The following ADAMTS3 variants were observed in gnomAD, a reference collection of about 807,000 sequenced individuals.
ADAMTS3 encodes the protein ADAM metallopeptidase with thrombospondin type 1 motif 3.
A neutral mutation model predicts 129.0 loss-of-function variants in ADAMTS3; 73 were observed. The observed-to-expected ratio is 0.57, with a 90% CI of 0.47 to 0.69. The LOEUF (loss-of-function observed/expected upper bound fraction) is 0.69, where lower values mean the gene tolerates loss of function less well. Among genes scored for constraint, ADAMTS3 ranks in the 30% least tolerant of loss-of-function variants. The pLI is 0.00. For missense variants in ADAMTS3, 1,457 were observed against 1,514.5 expected, an observed-to-expected ratio of 0.96 and a Z score of 0.63; for synonymous variants, 477 against 510.8, an observed-to-expected ratio of 0.93 and a Z score of 0.89.
At chr4:72,493,285 A>C in intron 3 of ADAMTS3, among the ~76,000 whole-genome samples, 1 of 151,632 alleles carries the variant, frequency 6.6e-6, no homozygotes, top group East Asian at 1.9e-4. Flanking sequence ...TTTATCTTAC[A>C]GTGGTTTTGT....
Position 72,417,931 on chromosome 4 carries a change from T to TTAAAAAAAAAAAAAAAAAAAAAAA in ADAMTS3, c.505-2961_505-2960insTTTTTTTTTTTTTTTTTTTTTTTA, listed in dbSNP as rs76545577. On this transcript the variant is annotated intron_variant, in intron 3 of 21. Transcript: ENST00000286657. The stretch of plus-strand genomic sequence containing the variant: ...CTGGGCGACAGAGGGAGACTCCATC[T>TTAAAAAAAAAAAAAAAAAAAAAAA]CAAAAAAAAAAAAGTAAGTACTTTA... Among the ~76,000 whole-genome samples the TTAAAAAAAAAAAAAAAAAAAAAAA allele has an allele frequency of 5.7e-4, 57 of 100,662 alleles. 4 individuals are homozygous for TTAAAAAAAAAAAAAAAAAAAAAAA. Among genetic ancestry groups the TTAAAAAAAAAAAAAAAAAAAAAAA allele is most frequent in the African/African-American group, 2.1e-3 (56 of 26,786 alleles). The allele number at this position is 100,662 out of a possible 152,430, so 66.0% of individuals were successfully genotyped here. A position where few individuals can be genotyped will look rare whatever the true frequency, so the allele number is the denominator to read the frequency against.
At chr4:72,400,113 GGTGT>G (rs1721861265) in intron 4 of ADAMTS3, among the ~76,000 whole-genome samples, 2 of 112,968 alleles carry the variant, frequency 1.8e-5, no homozygotes, top group African/African-American at 3.3e-5. Flanking sequence ...ATGCACACAT[GGTGT>G]GTATATACGT....
At chr4:72,409,195 A>G (rs1222308902) in intron 4 of ADAMTS3, among the ~76,000 whole-genome samples, 1 of 152,242 alleles carries the variant, frequency 6.6e-6, no homozygotes, top group South Asian at 2.1e-4. Flanking sequence ...AGCAGTTGAC[A>G]TGCGAGAAAG....
At chr4:72,517,706 G>T (rs559808636) in intron 3 of ADAMTS3, among the ~76,000 whole-genome samples, 1 of 147,432 alleles carries the variant, frequency 6.8e-6, no homozygotes, top group Non-Finnish European at 1.5e-5. Flanking sequence ...TTTTTATTGC[G>T]TCTATTTGAT....
In ADAMTS3 at chr4:72,339,551, C is replaced by A; in HGVS notation, c.804G>T (p.Val268=). 1 of 1,613,924 alleles carries A rather than the reference C, an allele frequency of 6.2e-7. No individual in the cohort carries two copies. The highest frequency in any genetic ancestry group is 1.1e-5 in the South Asian group (1 of 91,068). Residue 268 remains valine, a synonymous_variant, in exon 5 of 22, where the codon GTG becomes GTT. Transcript: ENST00000286657. ...IEVLLGVDDS[V]VRFHGKEHVQ... is the part of the protein sequence containing the mutation. ...CGTGCTCTTTGCCATGGAAACGGAC[C>A]ACAGAGTCATCCACTCCCAGCAGTA...
chr4:72,349,013 C>T (rs1359330169), intron 4 of ADAMTS3, among the ~76,000 whole-genome samples: 1 of 151,900 alleles, frequency 6.6e-6, no homozygotes, highest in Non-Finnish European at 1.5e-5. Flanking sequence ...GACCTATAGA[C>T]TGTGAGCTAA....
chr4:72,559,633 T>C (rs540670858), intron 2 of ADAMTS3, among the ~76,000 whole-genome samples: 1 of 151,686 alleles, frequency 6.6e-6, no homozygotes, highest in South Asian at 2.1e-4. Flanking sequence ...GTAAAAGTTT[T>C]TTTAAAAAAA....
intron 4 of ADAMTS3, among the ~76,000 whole-genome samples, chr4:72,401,535 C>A (rs2109909099): frequency 8.1e-6 from 1 of 123,450 alleles, no homozygotes; most frequent in East Asian, 2.4e-4. Flanking sequence ...CCACTGCACT[C>A]CAGCCTGGGC....
chr4:72,328,485 C>T (rs1366222561), intron 5 of ADAMTS3, among the ~76,000 whole-genome samples: 1 of 152,134 alleles, frequency 6.6e-6, no homozygotes, highest in Non-Finnish European at 1.5e-5. Context: ...TCTTGAGAGG[C>T]TGGATAGCTT....
intron 4 of ADAMTS3, among the ~76,000 whole-genome samples, chr4:72,399,558 C>G (rs575865836): frequency 3.6e-4 from 55 of 151,850 alleles, no homozygotes; most frequent in Admixed American, 6.6e-4. Flanking sequence ...TGTGCTAGAC[C>G]CTTGAGTAAG....
At chr4:72,539,111 C>G (rs1721253270) in intron 3 of ADAMTS3, among the ~76,000 whole-genome samples, 1 of 151,760 alleles carries the variant, frequency 6.6e-6, no homozygotes, top group Admixed American at 6.6e-5. Context: ...TTGAATTTTG[C>G]AATAGATTTC....
intron 4 of ADAMTS3, among the ~76,000 whole-genome samples, chr4:72,404,175 A>G (rs1291939400): frequency 6.6e-6 from 1 of 152,108 alleles, no homozygotes; most frequent in East Asian, 1.9e-4. Flanking sequence ...ACAATTACAA[A>G]ATTCCTGTGA....
chr4:72,396,574 A>C (rs1036069113), intron 4 of ADAMTS3, among the ~76,000 whole-genome samples: 9 of 152,172 alleles, frequency 5.9e-5, no homozygotes, highest in Non-Finnish European at 8.8e-5. Context: ...AAGAACAAGC[A>C]GGGGAGACGA....
intron 3 of ADAMTS3, among the ~76,000 whole-genome samples, chr4:72,475,683 TGAA>T (rs1468365181): frequency 6.6e-6 from 1 of 151,710 alleles, no homozygotes; most frequent in Non-Finnish European, 1.5e-5. Context: ...AATATTCTAC[TGAA>T]GAATAGGAAA....
chr4:72,370,201 C>G (rs1329781182), intron 4 of ADAMTS3, among the ~76,000 whole-genome samples: 2 of 152,074 alleles, frequency 1.3e-5, no homozygotes, highest in African/African-American at 4.8e-5. Context: ...CAGCCTGCGC[C>G]GAAGATTTAT....
intron 4 of ADAMTS3, among the ~76,000 whole-genome samples, chr4:72,364,473 G>T (rs552777379): frequency 6.6e-6 from 1 of 152,070 alleles, no homozygotes; most frequent in African/African-American, 2.4e-5. Context: ...AAATTAGCCA[G>T]GTGTGGTGGC....
chr4:72,455,081 C>A (rs1718507213), intron 3 of ADAMTS3, among the ~76,000 whole-genome samples: 1 of 151,630 alleles, frequency 6.6e-6, no homozygotes, highest in African/African-American at 2.4e-5. Context: ...ATGTTTTATG[C>A]ATCTCAATTA....
At chr4:72,327,060 A>C (rs1407676025) in intron 5 of ADAMTS3, among the ~76,000 whole-genome samples, 1 of 152,138 alleles carries the variant, frequency 6.6e-6, no homozygotes, top group Admixed American at 6.6e-5. Flanking sequence ...CCTGAGAAAA[A>C]TGCTACGTTT....
At chr4:72,494,171 C>T (rs905611538) in intron 3 of ADAMTS3, among the ~76,000 whole-genome samples, 3 of 152,072 alleles carry the variant, frequency 2.0e-5, no homozygotes, top group African/African-American at 7.2e-5. Context: ...CTTTCATCTC[C>T]TTTATCTGTC....
Sources: allele counts gnomAD v4.1 joint callset (sites outside exome capture counted in the v4.1 genomes callset), GRCh38; gene constraint gnomAD v4.1.1; transcripts MANE v1.5; gene names NCBI Gene and HGNC (gene_info 2026-07-23, HGNC 2026-07-21).